Variants in ADAMTS2 observed in about 807,000 individuals in gnomAD.
ADAMTS2 encodes the protein A disintegrin and metalloproteinase with thrombospondin motifs 2.
In ADAMTS2, 50 loss-of-function variants were observed where a neutral mutation model predicts 123.0. That is an observed-to-expected ratio of 0.41 (90% CI 0.32 to 0.51). ADAMTS2 has a LOEUF of 0.51. Among genes scored for constraint, ADAMTS2 ranks in the 20% least tolerant of loss-of-function variants. The probability of loss-of-function intolerance (pLI) is 0.35; values close to 1 mark genes in which losing one functional copy is unlikely to be tolerated. For missense variants in ADAMTS2, 1,494 were observed against 1,705.2 expected (o/e 0.88, Z 2.18); for synonymous variants, 678 against 695.4 (o/e 0.98, Z 0.39).
At chr5:179,216,522 G>A (rs754726186) in intron 3 of ADAMTS2, among the ~76,000 whole-genome samples, 3 of 152,022 alleles carry the variant, frequency 2.0e-5, no homozygotes, top group South Asian at 2.1e-4. Context: ...GGTCCAGCGC[G>A]TGGTCCCCAC....
chr5:179,237,836 G>A (rs1410353081), intron 3 of ADAMTS2, among the ~76,000 whole-genome samples: 1 of 152,192 alleles, frequency 6.6e-6, no homozygotes, highest in African/African-American at 2.4e-5. Flanking sequence ...CAAAAACCCA[G>A]TGCTTCTTGT....
At chr5:179,143,703 C>T (rs1490892100) in intron 10 of ADAMTS2, among the ~76,000 whole-genome samples, 1 of 151,950 alleles carries the variant, frequency 6.6e-6, no homozygotes, top group Non-Finnish European at 1.5e-5. Context: ...GACGTGAGGA[C>T]AAATAGCCAT....
chr5:179,151,290 C>T (rs1763352102), intron 10 of ADAMTS2: 1 of 158,730 alleles, frequency 6.3e-6, no homozygotes, highest in Admixed American at 6.5e-5. Flanking sequence ...GATCCTACCC[C>T]AAACAAAAGT....
In ADAMTS2 at chr5:179,256,641, T is replaced by TG. The variant is rs200678589; in HGVS notation, c.688+16269dup. On this transcript the variant is annotated intron_variant, in intron 3 of 21. Coordinates refer to ENST00000251582, the MANE Select transcript of ADAMTS2 (RefSeq NM_014244.5). This position sits in a 1 kb window ranked among gnomAD's most constrained non-coding sequence, Gnocchi z 4.1. ...ACCAGGCAGGCGGGGCCAGCATGAGTGGGGGGGCCAGGCACGAATCGGCAG... is the reference window on the plus strand; with the variant it reads ...ACCAGGCAGGCGGGGCCAGCATGAGTGGGGGGGGCCAGGCACGAATCGGCAG... 6.6e-6 allele frequency among the ~76,000 whole-genome samples: 1 copy of TG among 150,896 alleles called. No individual in the cohort carries two copies.
chr5:179,183,961 A>G (rs1764107535), intron 4 of ADAMTS2, among the ~76,000 whole-genome samples: 1 of 152,182 alleles, frequency 6.6e-6, no homozygotes, highest in African/African-American at 2.4e-5. Context: ...CTGTCTGCAA[A>G]CCAGGAAGAG....
Position 179,113,806 on chromosome 5 carries a change from A to G in ADAMTS2, c.*61T>C. 3.3e-6 allele frequency: 5 copies of G among 1,513,564 alleles called. No individual in the cohort carries two copies. The South Asian group carries it at 3.4e-5, about 10-fold the overall frequency. 93.8% of individuals were successfully genotyped at this position (1,513,564 alleles called of 1,614,324 possible). On this transcript the variant is annotated 3_prime_UTR_variant, in exon 22 of 22. Coordinates refer to ENST00000251582, the MANE Select transcript of ADAMTS2 (RefSeq NM_014244.5). Reference sequence around the variant, plus strand: ...TCATCTCCATGACACAGGATTTGCTATCCCATGGAATATCTCTATAAGCAA... The same window carrying G: ...TCATCTCCATGACACAGGATTTGCTGTCCCATGGAATATCTCTATAAGCAA...
intron 3 of ADAMTS2, among the ~76,000 whole-genome samples, chr5:179,224,683 T>C (rs1236980679): frequency 6.6e-6 from 1 of 152,210 alleles, no homozygotes; most frequent in Admixed American, 6.5e-5. Flanking sequence ...GTCTTATTTT[T>C]GTAAGGAAGT....
At chr5:179,321,210 A>T (rs771707249) in intron 2 of ADAMTS2, among the ~76,000 whole-genome samples, 2 of 152,098 alleles carry the variant, frequency 1.3e-5, no homozygotes, top group East Asian at 3.9e-4. Flanking sequence ...GAGCAAACTC[A>T]AGCCACCTAA....
At chr5:179,199,849 CA>C (rs1233084848) in intron 4 of ADAMTS2, among the ~76,000 whole-genome samples, 1 of 152,186 alleles carries the variant, frequency 6.6e-6, no homozygotes, top group Non-Finnish European at 1.5e-5. Flanking sequence ...CTAATATTTG[CA>C]TTTAAAATAG....
At chr5:179,208,604 C>A (rs553623408) in intron 3 of ADAMTS2, among the ~76,000 whole-genome samples, 2 of 152,256 alleles carry the variant, frequency 1.3e-5, no homozygotes, top group South Asian at 2.1e-4. Flanking sequence ...CTGTGTCCTG[C>A]GGGCCTGGAG....
chr5:179,320,565 A>G (rs1757140340), intron 2 of ADAMTS2, among the ~76,000 whole-genome samples: 1 of 149,110 alleles, frequency 6.7e-6, no homozygotes, highest in Non-Finnish European at 1.5e-5. Context: ...TGATCCGTCC[A>G]CCTCAGCCTC....
chr5:179,228,464 CG>C lies in ADAMTS2; in HGVS notation c.689-20750del, dbSNP rs1277919862. On this transcript the variant is annotated intron_variant, in intron 3 of 21. Coordinates refer to ENST00000251582, the MANE Select transcript of ADAMTS2 (RefSeq NM_014244.5). The surrounding 1 kb of genome is among the most constrained non-coding windows in gnomAD (Gnocchi z 5.2). ...GGACTTGCCCCAGCCTGAAGACCTC[CG>C]GGGCCCTGGCTCCTCCCTGCTCCAC... Among the ~76,000 whole-genome samples the C allele has an allele frequency of 6.6e-6, 1 of 152,182 alleles. No homozygotes were observed. The highest frequency in any genetic ancestry group is 1.5e-5 in the Non-Finnish European group (1 of 68,026).
Position 179,343,954 on chromosome 5 carries a change from A to G in ADAMTS2, c.347T>C (p.Phe116Ser), listed in dbSNP as rs1329720373. The G allele has an allele frequency of 6.2e-7, 1 of 1,611,948 alleles. No homozygotes were observed. Among genetic ancestry groups the G allele is most frequent in the Admixed American group, 1.7e-5 (1 of 59,948 alleles). ...GSHLFYNVTV[F>S]GRDLHLRLRP... ...CAGCCGCAGGTGCAGGTCTCGGCCA[A>G]AGACCGTGACATTGTAGAAGAGGTG... Residue 116 changes from phenylalanine (F) to serine (S), a missense_variant, in exon 2 of 22, where the codon TTT becomes TCT. Physicochemically the swap from Phe to Ser is radical, Grantham distance 155. This residue lies in a region of ADAMTS2 where 237 missense variants were observed against 233.7 expected (regional missense o/e 1.01). Transcript: ENST00000251582.
chr5:179,166,386 G>C (rs1763697721), intron 5 of ADAMTS2, among the ~76,000 whole-genome samples: 1 of 152,196 alleles, frequency 6.6e-6, no homozygotes, highest in Non-Finnish European at 1.5e-5. Flanking sequence ...CAGATCTGAG[G>C]GCCTTAGGGA....
In ADAMTS2 at chr5:179,255,887, C is replaced by T. The variant is rs116593503; in HGVS notation, c.688+17024G>A. Among the ~76,000 whole-genome samples, 311 of 152,258 alleles carry T rather than the reference C, an allele frequency of 2.0e-3. 2 individuals are homozygous for T. The highest frequency in any genetic ancestry group is 6.8e-3 in the African/African-American group (284 of 41,554). On this transcript the variant is annotated intron_variant, in intron 3 of 21. Coordinates refer to ENST00000251582, the MANE Select transcript of ADAMTS2 (RefSeq NM_014244.5). ...CAGCCCTGGAGTGTGTGACACAATT[C>T]GGGCACTGTGACCCTACTGGACCCC...
At chr5:179,222,294 G>A (rs1021262692) in intron 3 of ADAMTS2, among the ~76,000 whole-genome samples, 3 of 152,194 alleles carry the variant, frequency 2.0e-5, no homozygotes, top group African/African-American at 7.2e-5. Context: ...GGCTTAATTT[G>A]ATCAGCCCTA....
chr5:179,154,524 A>G (rs1268445461), intron 7 of ADAMTS2, among the ~76,000 whole-genome samples: 1 of 152,188 alleles, frequency 6.6e-6, no homozygotes, highest in Admixed American at 6.5e-5. Flanking sequence ...CATGGGGTAG[A>G]GCCCACCCTG....
At chr5:179,194,441 C>T (rs1203379988) in intron 4 of ADAMTS2, among the ~76,000 whole-genome samples, 1 of 152,168 alleles carries the variant, frequency 6.6e-6, no homozygotes, top group Non-Finnish European at 1.5e-5. Context: ...GGCCTCAGAA[C>T]AGGAGGACAC....
At chr5:179,179,345 C>G (rs1763997864) in intron 5 of ADAMTS2, among the ~76,000 whole-genome samples, 1 of 151,494 alleles carries the variant, frequency 6.6e-6, no homozygotes, top group African/African-American at 2.4e-5. Flanking sequence ...GGCATTTCAT[C>G]AGCGAAGATG....
Sources: gnomAD v4.1 joint callset for allele counts (sites outside exome capture counted in the v4.1 genomes callset) on GRCh38, gnomAD v4.1.1 for gene constraint, gnomAD v4.1.1 regional missense constraint, Gnocchi (gnomAD v3.1) non-coding constraint, MANE v1.5 for transcripts, NCBI Gene and HGNC (gene_info 2026-07-23, HGNC 2026-07-21) for gene names.